Variants in NOL4 observed in about 807,000 individuals in gnomAD.
The protein encoded by NOL4 is cancer/testis antigen 125.
Under a neutral mutation model 75.9 loss-of-function variants are expected in NOL4, and 17 were observed. The observed-to-expected ratio is 0.22, with a 90% CI of 0.15 to 0.34. The LOEUF is 0.34. NOL4 is among the 10% of genes least tolerant of loss of function. The pLI, the probability that NOL4 is intolerant of heterozygous loss-of-function variation, is 1.00. For missense variants in NOL4, 614 were observed against 793.5 expected, an observed-to-expected ratio of 0.77 and a Z score of 2.72; for synonymous variants, 292 against 289.9, an observed-to-expected ratio of 1.01 and a Z score of -0.07.
intron 6 of NOL4, among the ~76,000 whole-genome samples, chr18:34,004,946 A>G (rs2073951539): frequency 6.6e-6 from 1 of 151,994 alleles, no homozygotes; most frequent in African/African-American, 2.4e-5. Flanking sequence ...TGGGAGTGCA[A>G]ACCTATGCTT....
At chr18:34,107,348 C>T (rs1479550749) in intron 2 of NOL4, among the ~76,000 whole-genome samples, 1 of 152,080 alleles carries the variant, frequency 6.6e-6, no homozygotes, top group Non-Finnish European at 1.5e-5. Context: ...ACAAAGCCCA[C>T]TTTGTATCTT....
intron 9 of NOL4, among the ~76,000 whole-genome samples, chr18:33,918,303 G>C (rs1371092250): frequency 6.6e-6 from 1 of 152,166 alleles, no homozygotes; most frequent in African/African-American, 2.4e-5. Context: ...TTTTAAAAAG[G>C]AAGTACCTTA....
intron 6 of NOL4, among the ~76,000 whole-genome samples, chr18:33,992,686 C>A (rs1198401426): frequency 6.6e-6 from 1 of 151,972 alleles, no homozygotes; most frequent in Non-Finnish European, 1.5e-5. Context: ...ATCTGGCATT[C>A]AGCTCCTTAT....
At chr18:34,015,063 G>T (rs552891618) in intron 6 of NOL4, among the ~76,000 whole-genome samples, 1 of 152,132 alleles carries the variant, frequency 6.6e-6, no homozygotes, top group African/African-American at 2.4e-5. Context: ...AGGTCACACA[G>T]AAGTGATGGA....
chr18:34,192,585 A>T, intron 1 of NOL4, among the ~76,000 whole-genome samples: 1 of 152,332 alleles, frequency 6.6e-6, no homozygotes. Context: ...ATTTTTAATA[A>T]AGGTGCCAAG....
chr18:34,169,940 C>G (rs2032851020), intron 1 of NOL4, among the ~76,000 whole-genome samples: 1 of 152,096 alleles, frequency 6.6e-6, no homozygotes, highest in Non-Finnish European at 1.5e-5. Context: ...AATCAATTCT[C>G]TCTCTTGCTT....
chr18:34,070,071 G>A (rs2145238626), intron 5 of NOL4, among the ~76,000 whole-genome samples: 2 of 152,292 alleles, frequency 1.3e-5, no homozygotes, highest in South Asian at 4.1e-4. Context: ...TCGCTCAGTC[G>A]CCCAGGCTGG....
chr18:33,861,451 G>C (rs1444601995), intron 10 of NOL4, among the ~76,000 whole-genome samples: 1 of 152,116 alleles, frequency 6.6e-6, no homozygotes, highest in African/African-American at 2.4e-5. Flanking sequence ...TCTGATGGTA[G>C]TTTGTATTTC....
intron 1 of NOL4, among the ~76,000 whole-genome samples, chr18:34,145,325 A>G (rs1270551962): frequency 6.6e-6 from 1 of 152,046 alleles, no homozygotes; most frequent in African/African-American, 2.4e-5. Context: ...CAGATATTCT[A>G]ATGGGCAAAA....
intron 6 of NOL4, among the ~76,000 whole-genome samples, chr18:34,006,215 A>C (rs937359679): frequency 6.6e-6 from 1 of 152,122 alleles, no homozygotes; most frequent in Non-Finnish European, 1.5e-5. Context: ...TAAATTTATT[A>C]AATTATTTCA....
chr18:34,160,888 C>T (rs933720904), intron 1 of NOL4, among the ~76,000 whole-genome samples: 2 of 152,016 alleles, frequency 1.3e-5, no homozygotes, highest in Non-Finnish European at 2.9e-5. Context: ...CTATAGTCAC[C>T]CTGCAGTACG....
At chr18:33,964,378 G>C (rs1392127075) in intron 6 of NOL4, among the ~76,000 whole-genome samples, 1 of 151,810 alleles carries the variant, frequency 6.6e-6, no homozygotes, top group African/African-American at 2.4e-5. Context: ...CTAGCACTGT[G>C]TGTCTTCTGA....
In NOL4 at chr18:33,854,984, T is replaced by C. The variant is rs75515649; in HGVS notation, c.1724-1949A>G. On this transcript the variant is annotated intron_variant, in intron 10 of 10. Coordinates refer to ENST00000261592, the MANE Select transcript of NOL4 (RefSeq NM_003787.5). ...CTTCAGACCTTTGTTAGCACAGGCA[T>C]AGTCTAGAGAAAGCTCTGCCATTTA... Among the ~76,000 whole-genome samples the C allele has an allele frequency of 6.9e-4, 105 of 152,156 alleles. 1 individual carries two copies. The East Asian group carries it at 0.018, about 26-fold the overall frequency.
chr18:33,880,336 T>C (rs2064190690), intron 10 of NOL4, among the ~76,000 whole-genome samples: 1 of 148,732 alleles, frequency 6.7e-6, no homozygotes, highest in Non-Finnish European at 1.5e-5. Context: ...TGTGTGTGTG[T>C]GTGTAATGAA....
chr18:34,083,185 T>C lies in NOL4; in HGVS notation c.772+10280A>G, dbSNP rs551947434. Among the ~76,000 whole-genome samples, 5 of 152,340 alleles carry C rather than the reference T, an allele frequency of 3.3e-5. No individual in the cohort carries two copies. The East Asian group carries it at 9.6e-4, about 29-fold the overall frequency. On this transcript the variant is annotated intron_variant, in intron 5 of 10. Coordinates refer to ENST00000261592, the MANE Select transcript of NOL4 (RefSeq NM_003787.5). ...ATAAGGGTTCTTATGAATGAGATTC[T>C]TCATAGAGGAAAAAGAAGGAAGTGA...
chr18:33,884,372 A>C (rs1388670908), intron 9 of NOL4, among the ~76,000 whole-genome samples: 1 of 152,098 alleles, frequency 6.6e-6, no homozygotes, highest in African/African-American at 2.4e-5. Flanking sequence ...CAAGGATGTG[A>C]ATACATCCAA....
chr18:33,852,725 G>T lies in NOL4; in HGVS notation c.*117C>A. On this transcript the variant is annotated 3_prime_UTR_variant, in exon 11 of 11. Transcript: ENST00000261592. ...GGATCAAGGACAATGTGGCATAATG[G>T]AAGTATTTCTCTTAAAAGACTGTGC... The T allele has an allele frequency of 1.2e-6, 1 of 862,556 alleles. No homozygotes were observed. The highest frequency in any genetic ancestry group is 1.8e-6 in the Non-Finnish European group (1 of 563,962). 53.4% of individuals were successfully genotyped at this position (862,556 alleles called of 1,614,324 possible).
chr18:34,183,249 A>G (rs534255228), intron 1 of NOL4, among the ~76,000 whole-genome samples: 13 of 151,354 alleles, frequency 8.6e-5, no homozygotes, highest in African/African-American at 3.1e-4. Context: ...CTGAACAAAC[A>G]CTTCACCAAA....
At chr18:33,945,043 C>G (rs2068743073) in intron 8 of NOL4, among the ~76,000 whole-genome samples, 1 of 151,650 alleles carries the variant, frequency 6.6e-6, no homozygotes, top group Non-Finnish European at 1.5e-5. Context: ...ATTACATTAT[C>G]AAAAAATAAA....
Sources: gnomAD v4.1 joint callset for allele counts (sites outside exome capture counted in the v4.1 genomes callset) on GRCh38, gnomAD v4.1.1 for gene constraint, MANE v1.5 for transcripts, NCBI Gene and HGNC (gene_info 2026-07-23, HGNC 2026-07-21) for gene names.